VPS13D: variants seen among roughly 807,000 people sequenced by gnomAD.
VPS13D encodes vacuolar protein sorting 13 homolog D, also known as intermembrane lipid transfer protein VPS13D.
In VPS13D, 187 loss-of-function variants were observed where a neutral mutation model predicts 461.9. The observed-to-expected ratio is 0.40, with a 90% confidence interval of 0.36 to 0.46. The LOEUF (loss-of-function observed/expected upper bound fraction) is 0.46, where lower values mean the gene tolerates loss of function less well. Among genes scored for constraint, VPS13D ranks in the 20% least tolerant of loss-of-function variants. VPS13D has a pLI of 0.60. For synonymous variants in VPS13D, 1,951 were observed against 1,986.3 expected (o/e 0.98, Z 0.47); for missense variants, 4,711 against 5,364.9 (o/e 0.88, Z 3.81).
At chr1:12,437,868 G>A (rs1409577407) in intron 65 of VPS13D, among the ~76,000 whole-genome samples, 1 of 152,164 alleles carries the variant, frequency 6.6e-6, no homozygotes, top group African/African-American at 2.4e-5. Flanking sequence ...GTGCTGGATG[G>A]CATCTTTCCA....
intron 50 of VPS13D, among the ~76,000 whole-genome samples, chr1:12,361,498 C>T (rs1264199651): frequency 2.0e-5 from 3 of 149,656 alleles, no homozygotes; most frequent in Non-Finnish European, 4.5e-5. Context: ...CGGGTCCACG[C>T]CATTCTCCTG....
chr1:12,465,872 C>T (rs1434477881), intron 67 of VPS13D, among the ~76,000 whole-genome samples: 1 of 152,212 alleles, frequency 6.6e-6, no homozygotes, highest in African/African-American at 2.4e-5. Context: ...TGTGGTGGCT[C>T]ACGCCTGTAA....
At chr1:12,506,571 T>C (rs1646110777) in intron 68 of VPS13D, among the ~76,000 whole-genome samples, 1 of 152,258 alleles carries the variant, frequency 6.6e-6, no homozygotes, top group Non-Finnish European at 1.5e-5. Flanking sequence ...GGCAGTGAAC[T>C]TTCTCAGCTG....
rs758689804 is a variant in VPS13D, at chr1:12,349,232, C to A, written c.9289C>A (p.Arg3097=). Residue 3097 remains arginine (R), a synonymous_variant, in exon 46 of 70, where the codon CGG becomes AGG. Coordinates refer to ENST00000620676, the MANE Select transcript of VPS13D (RefSeq NM_015378.4). Reference sequence around the variant, plus strand: ...TGTGCCTTTACACCTCACTTCTTGGCGGCTACAGGCCCGGCCCAAAGGATT... The same window carrying A: ...TGTGCCTTTACACCTCACTTCTTGGAGGCTACAGGCCCGGCCCAAAGGATT... ...FAVPLHLTSW[R]LQARPKGLGV... is the part of the protein sequence containing the mutation. 6.9e-5 allele frequency: 112 copies of A among 1,614,040 alleles called. No individual in the cohort carries two copies. Among genetic ancestry groups the A allele is most frequent in the East Asian group, 2.2e-4 (10 of 44,896 alleles).
chr1:12,398,692 G>C (rs1200150057), intron 60 of VPS13D, among the ~76,000 whole-genome samples: 1 of 152,182 alleles, frequency 6.6e-6, no homozygotes, highest in Non-Finnish European at 1.5e-5. Flanking sequence ...ATACTGATCA[G>C]GGCTGTGTAA....
chr1:12,450,850 A>G (rs1042818012), intron 65 of VPS13D, among the ~76,000 whole-genome samples: 2 of 152,232 alleles, frequency 1.3e-5, no homozygotes, highest in Non-Finnish European at 2.9e-5. Flanking sequence ...CCATCACACT[A>G]CGGAGTCCTG....
chr1:12,407,417 G>C (rs759918079), intron 63 of VPS13D: 1 of 152,172 alleles, frequency 6.6e-6, no homozygotes, highest in Non-Finnish European at 1.5e-5. Context: ...GAAATAGACA[G>C]TTTCCTATTT....
intron 2 of VPS13D, among the ~76,000 whole-genome samples, chr1:12,237,235 CAAAT>C (rs1057446095): frequency 6.9e-6 from 1 of 144,642 alleles, no homozygotes; most frequent in Non-Finnish European, 1.5e-5. Context: ...CATTTAAAGA[CAAAT>C]AAAAAAAATA....
intron 67 of VPS13D, among the ~76,000 whole-genome samples, chr1:12,496,282 G>A (rs1294251895): frequency 1.3e-5 from 2 of 152,166 alleles, no homozygotes; most frequent in African/African-American, 2.4e-5. Context: ...CCTCACCAAG[G>A]TATGGGGCTG....
chr1:12,361,403 A>ATTTTTTTTTTTT (rs1297978975), intron 50 of VPS13D, among the ~76,000 whole-genome samples: 3 of 133,998 alleles, frequency 2.2e-5, no homozygotes, highest in East Asian at 2.0e-4. Flanking sequence ...TTATTTATTT[A>ATTTTTTTTTTTT]TTTTTTTTTT....
intron 21 of VPS13D, among the ~76,000 whole-genome samples, chr1:12,287,721 A>G (rs1362159102): frequency 1.3e-5 from 2 of 152,172 alleles, no homozygotes; most frequent in African/African-American, 4.8e-5. Context: ...TTCTATTTGT[A>G]GTTGTCCCTA....
At chr1:12,328,829 G>A (rs1034433520) in intron 36 of VPS13D, among the ~76,000 whole-genome samples, 59 of 152,106 alleles carry the variant, frequency 3.9e-4, no homozygotes, top group African/African-American at 1.4e-3. Context: ...ATGAGCCACC[G>A]CGCCTGGCGA....
At chr1:12,369,847 T>C (rs1475755899) in intron 54 of VPS13D, 145 bp downstream of exon 54, 1 of 740,942 alleles carries the variant, frequency 1.3e-6, no homozygotes, top group African/African-American at 1.8e-5. Context: ...AGTGTCTATC[T>C]TAAGAGGTCA....
Position 12,502,274 on chromosome 1 carries a change from G to C in VPS13D, c.12795-4579G>C, listed in dbSNP as rs1206449290. Among the ~76,000 whole-genome samples, 1 of 152,206 alleles carries C rather than the reference G, an allele frequency of 6.6e-6. No individual in the cohort carries two copies. The highest frequency in any genetic ancestry group is 2.4e-5 in the African/African-American group (1 of 41,466). Reference sequence around the variant, plus strand: ...AGTGGCCGTAACGATGACTAGAAGAGGACAGATTGGAGAGGCATTTAGGAG... The same window carrying C: ...AGTGGCCGTAACGATGACTAGAAGACGACAGATTGGAGAGGCATTTAGGAG... On this transcript the variant is annotated intron_variant, in intron 68 of 69. Coordinates refer to ENST00000620676, the MANE Select transcript of VPS13D (RefSeq NM_015378.4). This position sits in a 1 kb window ranked among gnomAD's most constrained non-coding sequence, Gnocchi z 4.3.
At chr1:12,263,921 C>T (rs1328580304) in intron 13 of VPS13D, among the ~76,000 whole-genome samples, 1 of 152,198 alleles carries the variant, frequency 6.6e-6, no homozygotes, top group Middle Eastern at 3.2e-3. Context: ...ATAGACACCA[C>T]ATTTTTTACA....
At position 12,382,978 on chromosome 1, in the gene VPS13D, C is replaced by A. The variant is rs1256953878; in HGVS notation, c.11193C>A (p.Ala3731=). The A allele has an allele frequency of 9.9e-6, 16 of 1,612,512 alleles. No homozygotes were observed. The highest frequency in any genetic ancestry group is 1.3e-5 in the Non-Finnish European group (15 of 1,179,408). Residue 3731 remains alanine, a splice_region_variant and synonymous_variant, in exon 58 of 70, where the codon GCC becomes GCA. Coordinates refer to ENST00000620676, the MANE Select transcript of VPS13D (RefSeq NM_015378.4). Reference sequence around the variant, plus strand: ...GTCTCTACTCCAATGTCTTTTAGGCCAAAGGAGGACTTTCTGGTTTGTTTG... The same window carrying A: ...GTCTCTACTCCAATGTCTTTTAGGCAAAAGGAGGACTTTCTGGTTTGTTTG... ...TCGLHGLVVQ[A]KGGLSGLFDG... is the part of the protein sequence containing the mutation.
intron 44 of VPS13D, among the ~76,000 whole-genome samples, chr1:12,347,535 G>A (rs541382730): frequency 6.6e-6 from 1 of 152,306 alleles, no homozygotes; most frequent in East Asian, 1.9e-4. Context: ...GTCACTGGAA[G>A]CTGGAGCTTC....
At chr1:12,407,592 C>T (rs764230110) in intron 63 of VPS13D, among the ~76,000 whole-genome samples, 7 of 152,180 alleles carry the variant, frequency 4.6e-5, no homozygotes, top group Admixed American at 3.3e-4. Context: ...TCCCTCATCT[C>T]GACTTTGACT....
intron 67 of VPS13D, among the ~76,000 whole-genome samples, chr1:12,489,260 G>A (rs1645844401): frequency 6.6e-6 from 1 of 152,198 alleles, no homozygotes; most frequent in African/African-American, 2.4e-5. Context: ...AGCTGTCACA[G>A]TTGCAGTGTC....
Sources: gnomAD v4.1 joint callset for allele counts (sites outside exome capture counted in the v4.1 genomes callset) on GRCh38, gnomAD v4.1.1 for gene constraint, Gnocchi (gnomAD v3.1) non-coding constraint, MANE v1.5 for transcripts, NCBI Gene and HGNC (gene_info 2026-07-23, HGNC 2026-07-21) for gene names.